PREX2: variants seen among roughly 807,000 people sequenced by gnomAD.
PREX2 encodes the protein phosphatidylinositol-3,4,5-trisphosphate dependent Rac exchange factor 2.
PREX2 carries 107 observed loss-of-function variants against 203.2 expected under a neutral mutation model. The observed-to-expected ratio is 0.53, with a 90% CI of 0.45 to 0.62. PREX2 has a LOEUF of 0.62. Among genes scored for constraint, PREX2 ranks in the 20% least tolerant of loss-of-function variants. PREX2 has a pLI of 0.00. For missense variants in PREX2, 1,777 were observed against 1,955.9 expected, an observed-to-expected ratio of 0.91 and a Z score of 1.72; for synonymous variants, 672 against 663.6, an observed-to-expected ratio of 1.01 and a Z score of -0.19.
chr8:68,188,802 G>C (rs531763128), intron 35 of PREX2, among the ~76,000 whole-genome samples: 1 of 152,236 alleles, frequency 6.6e-6, no homozygotes, highest in East Asian at 1.9e-4. Flanking sequence ...CCCTTGACAC[G>C]TGAGGATTAT....
At chr8:68,092,403 A>C (rs1015035892) in intron 20 of PREX2, among the ~76,000 whole-genome samples, 1 of 152,228 alleles carries the variant, frequency 6.6e-6, no homozygotes, top group Non-Finnish European at 1.5e-5. Context: ...AATACAAAAA[A>C]TAGATAATAC....
intron 35 of PREX2, among the ~76,000 whole-genome samples, chr8:68,186,806 C>G (rs1215375200): frequency 6.6e-6 from 1 of 152,156 alleles, no homozygotes; most frequent in Non-Finnish European, 1.5e-5. Context: ...GCCACCGTGC[C>G]CAGCCTATAG....
At chr8:67,990,871 G>A (rs1806580354) in intron 1 of PREX2, among the ~76,000 whole-genome samples, 2 of 152,128 alleles carry the variant, frequency 1.3e-5, no homozygotes, top group Non-Finnish European at 1.5e-5. Context: ...AAAGGAGAAT[G>A]TTAGACATTA....
At chr8:68,204,822 C>T (rs1812582320) in intron 37 of PREX2, among the ~76,000 whole-genome samples, 2 of 151,570 alleles carry the variant, frequency 1.3e-5, no homozygotes, top group South Asian at 4.2e-4. Context: ...GCTGGGACTA[C>T]AGGCGCCTGC....
intron 21 of PREX2, among the ~76,000 whole-genome samples, chr8:68,094,293 T>C (rs536830065): frequency 6.6e-6 from 1 of 152,322 alleles, no homozygotes; most frequent in Admixed American, 6.5e-5. Flanking sequence ...GAAGATTCTT[T>C]TTTACTTTTA....
At chr8:68,192,633 C>T in intron 37 of PREX2, 108 bp downstream of exon 37, 2 of 793,380 alleles carry the variant, frequency 2.5e-6, no homozygotes, top group Non-Finnish European at 3.8e-6. Flanking sequence ...CATTCAAAGA[C>T]TCAGGTGTAT....
chr8:68,053,337 G>T, intron 9 of PREX2, 91 bp downstream of exon 9: 5 of 1,333,846 alleles, frequency 3.7e-6, no homozygotes, highest in Non-Finnish European at 5.2e-6. Context: ...AAATGGAAAG[G>T]TATATGATGG....
chr8:68,185,084 T>G (rs1013996020), intron 35 of PREX2, among the ~76,000 whole-genome samples: 23 of 152,176 alleles, frequency 1.5e-4, no homozygotes, highest in African/African-American at 5.5e-4. Flanking sequence ...ACCACAGTCT[T>G]GTTTTGAATG....
At chr8:68,181,042 TTG>T (rs1812075310) in intron 35 of PREX2, among the ~76,000 whole-genome samples, 1 of 152,180 alleles carries the variant, frequency 6.6e-6, no homozygotes, top group Non-Finnish European at 1.5e-5. Flanking sequence ...AATTTTCATT[TTG>T]TCTTTAAATT....
At chr8:68,075,628 A>G (rs1477949216) in intron 14 of PREX2, among the ~76,000 whole-genome samples, 1 of 152,224 alleles carries the variant, frequency 6.6e-6, no homozygotes, top group African/African-American at 2.4e-5. Flanking sequence ...CTAGATTTGC[A>G]TTACCTCAGA....
chr8:67,974,294 G>T (rs893250816), intron 1 of PREX2, among the ~76,000 whole-genome samples: 4 of 151,938 alleles, frequency 2.6e-5, no homozygotes, highest in Non-Finnish European at 2.9e-5. Context: ...CCAGTATCTT[G>T]GTTGAGAAGA....
At chr8:68,193,364 C>A (rs1812334228) in intron 37 of PREX2, among the ~76,000 whole-genome samples, 1 of 152,118 alleles carries the variant, frequency 6.6e-6, no homozygotes, top group South Asian at 2.1e-4. Flanking sequence ...ACAGAACATG[C>A]AGTTTTGTTA....
At chr8:68,124,892 G>C (rs529026118) in intron 30 of PREX2, among the ~76,000 whole-genome samples, 43 of 152,124 alleles carry the variant, frequency 2.8e-4, no homozygotes, top group South Asian at 8.3e-4. Flanking sequence ...GATGGGCTGA[G>C]AGTCTTATAG....
intron 8 of PREX2, among the ~76,000 whole-genome samples, chr8:68,051,502 AAG>A (rs974561328): frequency 1.3e-5 from 2 of 152,020 alleles, no homozygotes; most frequent in Non-Finnish European, 2.9e-5. Context: ...GGGTTGGGGG[AAG>A]AGTTTTAAAC....
chr8:68,151,320 G>T (rs1354888801), intron 34 of PREX2, among the ~76,000 whole-genome samples: 2 of 152,006 alleles, frequency 1.3e-5, no homozygotes. Flanking sequence ...GGGAGACTGA[G>T]GTGGAAGGAT....
intron 1 of PREX2, among the ~76,000 whole-genome samples, chr8:68,008,099 C>T (rs1807151689): frequency 6.6e-6 from 1 of 152,156 alleles, no homozygotes; most frequent in Non-Finnish European, 1.5e-5. Context: ...GAAAGCTGTT[C>T]ACCACTTCAT....
At chr8:68,156,344 A>AT (rs1173188726) in intron 34 of PREX2, among the ~76,000 whole-genome samples, 1 of 152,202 alleles carries the variant, frequency 6.6e-6, no homozygotes, top group Non-Finnish European at 1.5e-5. Context: ...AATTATAGGC[A>AT]TGAGCCACTG....
chr8:68,168,321 C>T (rs1458399467), intron 35 of PREX2, among the ~76,000 whole-genome samples: 4 of 152,128 alleles, frequency 2.6e-5, no homozygotes, highest in East Asian at 1.9e-4. Context: ...TCCTGTGGAT[C>T]TTTTATTAAA....
At chr8:68,203,771 T>G (rs1812554052) in intron 37 of PREX2, among the ~76,000 whole-genome samples, 1 of 152,112 alleles carries the variant, frequency 6.6e-6, no homozygotes, top group Non-Finnish European at 1.5e-5. Context: ...AACAGAAGGA[T>G]CCACTCAAAG....
Sources: allele counts gnomAD v4.1 joint callset (sites outside exome capture counted in the v4.1 genomes callset), GRCh38; gene constraint gnomAD v4.1.1; transcripts MANE v1.5; gene names NCBI Gene and HGNC (gene_info 2026-07-23, HGNC 2026-07-21).